The following MAGI2 variants were observed in gnomAD, a reference collection of about 807,000 sequenced individuals.
MAGI2 encodes the protein membrane-associated guanylate kinase, WW and PDZ domain-containing protein 2.
A neutral mutation model predicts 133.3 loss-of-function variants in MAGI2; 35 were observed. The ratio of observed to expected loss-of-function variants is 0.26; its 90% CI spans 0.20 to 0.35. The LOEUF (loss-of-function observed/expected upper bound fraction) is 0.35, where lower values mean the gene tolerates loss of function less well. Ranked by LOEUF, MAGI2 falls within the 10% of genes least tolerant of loss-of-function variation. The pLI is 1.00. For synonymous variants in MAGI2, 729 were observed against 710.6 expected, an observed-to-expected ratio of 1.03 and a Z score of -0.41; for missense variants, 1,636 against 1,863.4, an observed-to-expected ratio of 0.88 and a Z score of 2.25.
At chr7:78,508,587 C>T (rs1795295946) in intron 4 of MAGI2, among the ~76,000 whole-genome samples, 1 of 152,178 alleles carries the variant, frequency 6.6e-6, no homozygotes, top group African/African-American at 2.4e-5. Context: ...TACACGCCAA[C>T]CAAGCTTGCC....
At chr7:79,185,516 A>ATGTT (rs752651968) in intron 1 of MAGI2, among the ~76,000 whole-genome samples, 7 of 126,612 alleles carry the variant, frequency 5.5e-5, no homozygotes, top group African/African-American at 1.4e-4. Flanking sequence ...CAATTTGGTC[A>ATGTT]TTTTTTTTTT....
chr7:78,241,494 A>T (rs2150907529), intron 10 of MAGI2, among the ~76,000 whole-genome samples: 1 of 152,252 alleles, frequency 6.6e-6, no homozygotes, highest in African/African-American at 2.4e-5. Flanking sequence ...CCAAATTGCT[A>T]ATCTCTTTGC....
At chr7:78,682,893 T>C (rs1349753529) in intron 2 of MAGI2, among the ~76,000 whole-genome samples, 3 of 152,202 alleles carry the variant, frequency 2.0e-5, no homozygotes, top group African/African-American at 4.8e-5. Context: ...ACAATCCAGA[T>C]TTTCAAAATG....
intron 6 of MAGI2, among the ~76,000 whole-genome samples, chr7:78,445,398 G>A (rs920823430): frequency 1.3e-5 from 2 of 151,926 alleles, no homozygotes; most frequent in Non-Finnish European, 2.9e-5. Flanking sequence ...CTTTTGGCTG[G>A]CTGCATTGTA....
chr7:78,221,124 C>A (rs1357783040), intron 10 of MAGI2, among the ~76,000 whole-genome samples: 2 of 152,190 alleles, frequency 1.3e-5, no homozygotes, highest in African/African-American at 4.8e-5. Flanking sequence ...TTGAGCTTGA[C>A]TATGCTAACT....
chr7:78,126,382 TA>T (rs1463606377), intron 19 of MAGI2, among the ~76,000 whole-genome samples: 2 of 152,242 alleles, frequency 1.3e-5, no homozygotes, highest in African/African-American at 4.8e-5. Context: ...TGATCTTCAC[TA>T]TTCTTAAAAT....
At chr7:78,988,214 T>A (rs1476347184) in intron 2 of MAGI2, among the ~76,000 whole-genome samples, 1 of 152,000 alleles carries the variant, frequency 6.6e-6, no homozygotes, top group Non-Finnish European at 1.5e-5. Flanking sequence ...CCAGAACTAG[T>A]CACATGGCCC....
intron 2 of MAGI2, among the ~76,000 whole-genome samples, chr7:78,733,134 G>C (rs978285781): frequency 6.6e-6 from 1 of 152,122 alleles, no homozygotes; most frequent in South Asian, 2.1e-4. Context: ...TACATGTGAG[G>C]TTCATGAGGA....
intron 1 of MAGI2, among the ~76,000 whole-genome samples, chr7:79,282,133 T>G (rs1402662438): frequency 6.6e-6 from 1 of 152,164 alleles, no homozygotes; most frequent in Non-Finnish European, 1.5e-5. Flanking sequence ...TCTGAAAATT[T>G]TATGTGAAAA....
intron 2 of MAGI2, among the ~76,000 whole-genome samples, chr7:78,931,717 C>A (rs1238855159): frequency 6.6e-6 from 1 of 152,036 alleles, no homozygotes; most frequent in Non-Finnish European, 1.5e-5. Flanking sequence ...AGATTAAAAG[C>A]CAGAAGAATT....
At chr7:78,586,135 G>A (rs890010921) in intron 3 of MAGI2, among the ~76,000 whole-genome samples, 9 of 152,166 alleles carry the variant, frequency 5.9e-5, no homozygotes, top group African/African-American at 1.4e-4. Context: ...ATAGCGTAGC[G>A]TGCTCTACAG....
At chr7:78,702,408 C>G (rs960544935) in intron 2 of MAGI2, among the ~76,000 whole-genome samples, 2 of 151,876 alleles carry the variant, frequency 1.3e-5, no homozygotes, top group African/African-American at 4.8e-5. Flanking sequence ...TCTTGATTTA[C>G]TTAATTGAAA....
At chr7:78,806,390 A>G (rs1013127142) in intron 2 of MAGI2, among the ~76,000 whole-genome samples, 2 of 152,198 alleles carry the variant, frequency 1.3e-5, no homozygotes, top group African/African-American at 2.4e-5. Context: ...TGTTCAATTA[A>G]TATCAGCCAT....
At chr7:78,527,754 T>C (rs1034732578) in intron 3 of MAGI2, among the ~76,000 whole-genome samples, 1 of 152,198 alleles carries the variant, frequency 6.6e-6, no homozygotes, top group Non-Finnish European at 1.5e-5. Flanking sequence ...AAACATATAA[T>C]TTGTTATTAC....
chr7:79,147,711 CAG>C (rs1822782286), intron 1 of MAGI2, among the ~76,000 whole-genome samples: 1 of 152,202 alleles, frequency 6.6e-6, no homozygotes, highest in African/African-American at 2.4e-5. Flanking sequence ...TCTCCAGAAA[CAG>C]ACTCTGTGGA....
chr7:78,764,910 T>C (rs912911902), intron 2 of MAGI2, among the ~76,000 whole-genome samples: 6 of 124,006 alleles, frequency 4.8e-5, no homozygotes, highest in Admixed American at 2.4e-4. Context: ...CACAACTTAT[T>C]ACCAGCTTAG....
intron 21 of MAGI2, among the ~76,000 whole-genome samples, chr7:78,061,028 C>T (rs11763197): frequency 0.45 from 67,931 of 151,264 alleles, 15,229 homozygotes; most frequent in East Asian, 0.52. Context: ...TAGCTGGGGG[C>T]GGTGGCATAT....
chr7:78,385,021 C>T (rs550070382), intron 6 of MAGI2, among the ~76,000 whole-genome samples: 3 of 152,204 alleles, frequency 2.0e-5, no homozygotes, highest in South Asian at 2.1e-4. Flanking sequence ...TTGCTTTTGC[C>T]GTGAAACGCA....
chr7:78,677,704 A>G (rs1189268471), intron 2 of MAGI2, among the ~76,000 whole-genome samples: 1 of 152,118 alleles, frequency 6.6e-6, no homozygotes, highest in Non-Finnish European at 1.5e-5. Flanking sequence ...CTTCTACTAG[A>G]AAATTAGAAC....
Sources: gnomAD v4.1 joint callset for allele counts (sites outside exome capture counted in the v4.1 genomes callset) on GRCh38, gnomAD v4.1.1 for gene constraint, MANE v1.5 for transcripts, NCBI Gene and HGNC (gene_info 2026-07-23, HGNC 2026-07-21) for gene names.